The following RBM20 variants were observed in gnomAD, a reference collection of about 807,000 sequenced individuals.
RBM20 encodes the protein RNA binding motif protein 20.
A neutral mutation model predicts 110.1 loss-of-function variants in RBM20; 51 were observed. The observed-to-expected ratio is 0.46, with a 90% CI of 0.37 to 0.59. RBM20 has a LOEUF of 0.59. RBM20 is among the 20% of genes least tolerant of loss of function. The pLI is 0.00. For missense variants in RBM20, 1,512 were observed against 1,574.9 expected (o/e 0.96, Z 0.68); for synonymous variants, 589 against 618.2 (o/e 0.95, Z 0.70).
intron 5 of RBM20, among the ~76,000 whole-genome samples, chr10:110,794,128 G>C (rs1357090932): frequency 6.6e-6 from 1 of 152,020 alleles, no homozygotes; most frequent in Non-Finnish European, 1.5e-5. Flanking sequence ...TTTCCCTCAT[G>C]ATTCAGATCT....
chr10:110,734,618 C>CATTTTTTTT (rs34824300), intron 1 of RBM20, among the ~76,000 whole-genome samples: 1 of 136,530 alleles, frequency 7.3e-6, no homozygotes, highest in Non-Finnish European at 1.6e-5. Flanking sequence ...AAAATTCCCT[C>CATTTTTTTT]TTTTTTTTTT....
intron 1 of RBM20, among the ~76,000 whole-genome samples, chr10:110,759,516 T>C (rs1843967890): frequency 6.6e-6 from 1 of 152,188 alleles, no homozygotes; most frequent in South Asian, 2.1e-4. Context: ...ACATGCCATA[T>C]ATGCATTGGG....
chr10:110,781,153 C>A lies in RBM20; in HGVS notation c.544C>A (p.Pro182Thr), dbSNP rs397516622. 158 of 1,551,598 alleles carry A rather than the reference C, an allele frequency of 1.0e-4. No homozygotes were observed. Among genetic ancestry groups the A allele is most frequent in the Non-Finnish European group, 1.2e-4 (142 of 1,147,022 alleles). Residue 182 changes from proline (P) to threonine (T), a missense_variant, in exon 2 of 14, where the codon CCC (proline) becomes ACC (threonine). Transcript: ENST00000369519. ...CCCCAGCCAGACACGAGGCCCCGGACCCTCCATGAACCTTCCCAACCAGCC... is the reference window on the plus strand; with the variant it reads ...CCCCAGCCAGACACGAGGCCCCGGAACCTCCATGAACCTTCCCAACCAGCC... The part of the protein sequence containing the change: ...SPPSQTRGPG[P>T]SMNLPNQPPS...
chr10:110,817,481 C>A (rs1484232366), intron 9 of RBM20, among the ~76,000 whole-genome samples: 1 of 152,162 alleles, frequency 6.6e-6, no homozygotes, highest in African/African-American at 2.4e-5. Context: ...ATTCGCCCCA[C>A]CCCCTTCTAC....
At chr10:110,812,133 C>T in intron 8 of RBM20, 145 bp from the exon 9 acceptor site, 1 of 763,606 alleles carries the variant, frequency 1.3e-6, no homozygotes, top group South Asian at 1.9e-5. Flanking sequence ...CTGAACCACT[C>T]TGTGTGGTTC....
Position 110,781,687 on chromosome 10 carries a change from A to G in RBM20, c.1078A>G (p.Thr360Ala), listed in dbSNP as rs1432765424. 2.6e-6 allele frequency: 4 copies of G among 1,549,990 alleles called. No homozygotes were observed. The highest frequency in any genetic ancestry group is 2.4e-5 in the South Asian group (2 of 83,934). Reference protein sequence around the residue: ...YDPEEPTSDRTPPSFGGRLNN... With the variant: ...YDPEEPTSDRAPPSFGGRLNN... The stretch of plus-strand genomic sequence containing the variant: ...CCCCGAGGAACCAACCTCAGACAGG[A>G]CACCTCCTTCCTTCGGGGGTCGGCT... Residue 360 changes from threonine to alanine, a missense_variant, in exon 2 of 14, where the codon ACA becomes GCA. Around this residue, in one of 3 missense-constraint regions of RBM20, gnomAD observed 1,149 missense variants for 1,169.4 expected, o/e 0.98. Coordinates refer to ENST00000369519, the MANE Select transcript of RBM20 (RefSeq NM_001134363.3).
At chr10:110,767,390 T>C (rs1371960193) in intron 1 of RBM20, among the ~76,000 whole-genome samples, 1 of 140,670 alleles carries the variant, frequency 7.1e-6, no homozygotes, top group African/African-American at 2.7e-5. Context: ...TGGCGGGGGC[T>C]GACCCCCACC....
chr10:110,741,262 T>G (rs912781015), intron 1 of RBM20, among the ~76,000 whole-genome samples: 2 of 152,132 alleles, frequency 1.3e-5, no homozygotes, highest in African/African-American at 4.8e-5. Flanking sequence ...TTTGTTAGGG[T>G]GGATACAGGT....
intron 1 of RBM20, among the ~76,000 whole-genome samples, chr10:110,675,729 G>A (rs1436326388): frequency 6.6e-6 from 1 of 152,154 alleles, no homozygotes; most frequent in East Asian, 1.9e-4. Context: ...AGACAGACCT[G>A]GGCTCACATT....
intron 1 of RBM20, among the ~76,000 whole-genome samples, chr10:110,656,808 C>A (rs1862032065): frequency 6.6e-6 from 1 of 152,318 alleles, no homozygotes; most frequent in East Asian, 1.9e-4. Context: ...GCACTTCATG[C>A]CTTTTCACTG....
chr10:110,814,024 G>A (rs1844808752), intron 9 of RBM20, among the ~76,000 whole-genome samples: 1 of 152,112 alleles, frequency 6.6e-6, no homozygotes, highest in Admixed American at 6.5e-5. Flanking sequence ...TTAAGTAGGG[G>A]TAGGATAAGT....
intron 1 of RBM20, among the ~76,000 whole-genome samples, chr10:110,729,561 A>C (rs1843598383): frequency 6.6e-6 from 1 of 152,222 alleles, no homozygotes; most frequent in African/African-American, 2.4e-5. Flanking sequence ...AGAAGCTGAG[A>C]TCGTATCTCC....
intron 1 of RBM20, among the ~76,000 whole-genome samples, chr10:110,707,895 G>A (rs1862866074): frequency 6.6e-6 from 1 of 152,156 alleles, no homozygotes; most frequent in South Asian, 2.1e-4. Flanking sequence ...AACCAGAAGA[G>A]TGGAATTGTA....
intron 1 of RBM20, among the ~76,000 whole-genome samples, chr10:110,752,637 A>G (rs1843868169): frequency 6.6e-6 from 1 of 152,122 alleles, no homozygotes; most frequent in Non-Finnish European, 1.5e-5. Context: ...ATGATTTTTC[A>G]TTGTAAAATA....
chr10:110,790,798 G>T (rs539934113), intron 5 of RBM20, among the ~76,000 whole-genome samples: 2 of 152,142 alleles, frequency 1.3e-5, no homozygotes, highest in East Asian at 3.9e-4. Context: ...TCAAGTCTGC[G>T]ATTGATAGGT....
rs193069856 is a variant in RBM20 at position 110,674,861 on chromosome 10, C to T, written c.191+30216C>T. 3.9e-3 allele frequency among the ~76,000 whole-genome samples: 592 copies of T among 152,340 alleles called. 3 individuals carry two copies. The highest frequency in any genetic ancestry group is 4.4e-3 in the Non-Finnish European group (298 of 68,034). On this transcript the variant is annotated intron_variant, in intron 1 of 13. Coordinates refer to ENST00000369519, the MANE Select transcript of RBM20 (RefSeq NM_001134363.3). ...ATGCCTATTTGATGTGATTGTGTGT[C>T]TGTGTGTGTGCACACACTAGCTCTG...
chr10:110,701,228 A>G (rs1322793079), intron 1 of RBM20, among the ~76,000 whole-genome samples: 2 of 152,190 alleles, frequency 1.3e-5, no homozygotes, highest in Admixed American at 6.5e-5. Context: ...TTCTTTCTCA[A>G]AATTACAGAT....
At chr10:110,822,145 A>G (rs549544567) in intron 11 of RBM20, among the ~76,000 whole-genome samples, 1 of 152,370 alleles carries the variant, frequency 6.6e-6, no homozygotes, top group African/African-American at 2.4e-5. Flanking sequence ...AAAGGAAGTT[A>G]GATAGGAGGC....
At chr10:110,811,100 G>A (rs1162854595) in intron 8 of RBM20, among the ~76,000 whole-genome samples, 1 of 152,196 alleles carries the variant, frequency 6.6e-6, no homozygotes, top group African/African-American at 2.4e-5. Context: ...GAGAACCAAG[G>A]TAGAAAACTG....
Sources: allele counts gnomAD v4.1 joint callset (sites outside exome capture counted in the v4.1 genomes callset), GRCh38; gene constraint gnomAD v4.1.1; regional missense constraint gnomAD v4.1.1; transcripts MANE v1.5; gene names NCBI Gene and HGNC (gene_info 2026-07-23, HGNC 2026-07-21).